Variants in STK32C observed in about 807,000 individuals in gnomAD.
STK32C encodes serine/threonine kinase 32C.
A neutral mutation model predicts 56.5 loss-of-function variants in STK32C; 31 were observed. The observed-to-expected ratio is 0.55, with a 90% CI of 0.41 to 0.74. The LOEUF (loss-of-function observed/expected upper bound fraction) is 0.74, where lower values mean the gene tolerates loss of function less well. Ranked by LOEUF, STK32C falls within the 30% of genes least tolerant of loss-of-function variation. STK32C has a pLI of 0.00. For missense variants in STK32C, 544 were observed against 676.9 expected (o/e 0.80, Z 2.18); for synonymous variants, 309 against 289.4 (o/e 1.07, Z -0.69).
intron 1 of STK32C, among the ~76,000 whole-genome samples, chr10:132,297,290 C>T (rs966397177): frequency 2.0e-5 from 3 of 152,248 alleles, no homozygotes; most frequent in Non-Finnish European, 4.4e-5. Flanking sequence ...GGCAGCCAGT[C>T]CTCGCTGCCA....
chr10:132,330,636 C>T (rs2066651186), intron 1 of STK32C, among the ~76,000 whole-genome samples: 1 of 151,156 alleles, frequency 6.6e-6, no homozygotes, highest in Non-Finnish European at 1.5e-5. Flanking sequence ...CCCTCCCACA[C>T]AGCTGGAACT....
chr10:132,316,790 T>C (rs2066318509), intron 1 of STK32C, among the ~76,000 whole-genome samples: 1 of 152,144 alleles, frequency 6.6e-6, no homozygotes, highest in Non-Finnish European at 1.5e-5. Flanking sequence ...GCGCGGTGGC[T>C]TATGCCTGTA....
intron 1 of STK32C, among the ~76,000 whole-genome samples, chr10:132,289,307 C>G (rs868535507): frequency 2.6e-5 from 4 of 152,240 alleles, no homozygotes; most frequent in African/African-American, 9.6e-5. Flanking sequence ...TTAGGATAGA[C>G]AACGATTTCT....
chr10:132,289,236 C>T lies in STK32C; in HGVS notation c.262+18336G>A, dbSNP rs183855786. Among the ~76,000 whole-genome samples, 455 of 152,268 alleles carry T rather than the reference C, an allele frequency of 3.0e-3. 8 individuals carry two copies. The South Asian group carries it at 0.049, about 17-fold the overall frequency. ...ATCCACATGGAAAAATGAACCTCTA[C>T]CCCCATTTCACACTGTGCACAAAAA... On this transcript the variant is annotated intron_variant, in intron 1 of 11. Transcript: ENST00000298630.
intron 1 of STK32C, among the ~76,000 whole-genome samples, chr10:132,326,444 G>A (rs2066500917): frequency 6.6e-6 from 1 of 152,180 alleles, no homozygotes; most frequent in Admixed American, 6.5e-5. Flanking sequence ...TAATTCTTGT[G>A]CCTCAGACTC....
At chr10:132,230,136 CCGCCTTGGGAGGGCGGGG>C (rs1565084866) in intron 2 of STK32C, among the ~76,000 whole-genome samples, 1 of 152,222 alleles carries the variant, frequency 6.6e-6, no homozygotes, top group Non-Finnish European at 1.5e-5. Context: ...TTGAACGAGG[CCGCCTTGGGAGGGCGGGG>C]CGGGGCGGGA....
chr10:132,301,517 G>A (rs992625428), intron 1 of STK32C, among the ~76,000 whole-genome samples: 2 of 152,170 alleles, frequency 1.3e-5, no homozygotes, highest in Non-Finnish European at 2.9e-5. Context: ...GGAAGACAAG[G>A]CCCCGCAGTG....
At chr10:132,213,105 G>C (rs1037875686) in intron 10 of STK32C, among the ~76,000 whole-genome samples, 1 of 152,248 alleles carries the variant, frequency 6.6e-6, no homozygotes, top group Non-Finnish European at 1.5e-5. Context: ...TCTGGCATGG[G>C]ATGGGGACAG....
exon 1 of STK32C, chr10:132,331,535 C>T: frequency 6.2e-7 from 1 of 1,612,946 alleles, no homozygotes; most frequent in Non-Finnish European, 8.5e-7. Flanking sequence ...AGTCCTGAGG[C>T]AAGATTTGGG....
At chr10:132,224,779 C>T (rs1565076461) in intron 7 of STK32C, among the ~76,000 whole-genome samples, 1 of 152,134 alleles carries the variant, frequency 6.6e-6, no homozygotes, top group African/African-American at 2.4e-5. Context: ...GTAGATCAGC[C>T]CCAGAGGGCC....
intron 2 of STK32C, among the ~76,000 whole-genome samples, chr10:132,244,175 C>A (rs1305658953): frequency 6.6e-6 from 1 of 152,164 alleles, no homozygotes; most frequent in Non-Finnish European, 1.5e-5. Flanking sequence ...CATCAACAAG[C>A]GCCGCACAGA....
At chr10:132,308,649 G>A (rs958852422), upstream of STK32C, among the ~76,000 whole-genome samples, 4 of 152,140 alleles carry the variant, frequency 2.6e-5, no homozygotes, top group Admixed American at 6.5e-5. Context: ...CTGAGCACGT[G>A]CGCCCGCGCT....
chr10:132,244,330 G>A (rs560468886), intron 2 of STK32C, among the ~76,000 whole-genome samples: 24 of 152,346 alleles, frequency 1.6e-4, no homozygotes, highest in African/African-American at 2.9e-4. Context: ...GCCAGCTGGC[G>A]TTTCCGAGCC....
chr10:132,239,993 C>T (rs1483604502), intron 2 of STK32C, among the ~76,000 whole-genome samples: 1 of 152,218 alleles, frequency 6.6e-6, no homozygotes, highest in Non-Finnish European at 1.5e-5. Context: ...GAGGAAGAAA[C>T]GGAGCTGCCT....
chr10:132,320,891 A>G (rs2066394445), downstream of STK32C, among the ~76,000 whole-genome samples: 3 of 152,074 alleles, frequency 2.0e-5, no homozygotes, highest in South Asian at 6.2e-4. Flanking sequence ...GGGTGTCCTC[A>G]CCCTCTGCTG....
At chr10:132,234,653 G>A (rs1211514095) in intron 2 of STK32C, among the ~76,000 whole-genome samples, 1 of 152,222 alleles carries the variant, frequency 6.6e-6, no homozygotes, top group Non-Finnish European at 1.5e-5. Flanking sequence ...TTGGGGAGTG[G>A]TGGGATGCCG....
intron 1 of STK32C, among the ~76,000 whole-genome samples, chr10:132,294,002 G>A (rs1216429768): frequency 6.6e-6 from 1 of 152,194 alleles, no homozygotes; most frequent in Non-Finnish European, 1.5e-5. Flanking sequence ...GGGCCAGCAT[G>A]GGGGCATCAG....
chr10:132,240,475 C>T (rs146991836), intron 2 of STK32C, among the ~76,000 whole-genome samples: 3,411 of 152,284 alleles, frequency 0.022, 62 homozygotes, highest in Non-Finnish European at 0.033. Flanking sequence ...AGGCCCTGCA[C>T]GGGGGCATGG....
upstream of STK32C, among the ~76,000 whole-genome samples, chr10:132,312,035 C>T (rs961993771): frequency 4.6e-5 from 7 of 152,166 alleles, no homozygotes; most frequent in Non-Finnish European, 1.0e-4. Context: ...GAGACAGAGT[C>T]TCACTGTGTT....
Sources: gnomAD v4.1 joint callset for allele counts (sites outside exome capture counted in the v4.1 genomes callset) on GRCh38, gnomAD v4.1.1 for gene constraint, MANE v1.5 for transcripts, NCBI Gene and HGNC (gene_info 2026-07-23, HGNC 2026-07-21) for gene names.